Variants in XPC observed in about 807,000 individuals in gnomAD.
XPC encodes the protein DNA repair protein complementing XP-C cells.
Under a neutral mutation model 95.8 loss-of-function variants are expected in XPC, and 76 were observed. That is an observed-to-expected ratio of 0.79 (90% CI 0.66 to 0.96). The LOEUF is 0.96. Among genes scored for constraint, XPC ranks in the 40% least tolerant of loss-of-function variants. The pLI is 0.00. For missense variants in XPC, 1,146 were observed against 1,179.8 expected, an observed-to-expected ratio of 0.97 and a Z score of 0.42; for synonymous variants, 442 against 442.1, an observed-to-expected ratio of 1.00 and a Z score of 0.00.
intron 5 of XPC, among the ~76,000 whole-genome samples, 189 bp downstream of exon 5, chr3:14,166,980 T>C (rs2125038815): frequency 6.6e-6 from 1 of 152,246 alleles, no homozygotes; most frequent in African/African-American, 2.4e-5. Context: ...ACCTTACCTA[T>C]AATACACAAC....
In XPC at chr3:14,148,872, C is replaced by G. The variant is rs1242298896; in HGVS notation, c.2192G>C (p.Gly731Ala). The change falls in exon 12 of 16, where the codon GGC becomes GCC. Residue 731 changes from glycine (G) to alanine (A), a missense_variant. Gly to Ala is a moderately conservative substitution (Grantham distance 60). Transcript: ENST00000285021. ...CTCTGTCTGCCAGTAGCCAAACAGG[C>G]CCAGGTCATTTTCTTCCCGCAGCTG... Reference protein sequence around the residue: ...EPQLREENDLGLFGYWQTEEY... With the variant: ...EPQLREENDLALFGYWQTEEY... The G allele has an allele frequency of 6.2e-7, 1 of 1,613,998 alleles. No homozygotes were observed. Among genetic ancestry groups the G allele is most frequent in the South Asian group, 1.1e-5 (1 of 91,090 alleles).
intron 1 of XPC, among the ~76,000 whole-genome samples, chr3:14,177,127 C>A (rs1171157463): frequency 6.6e-6 from 1 of 152,090 alleles, no homozygotes; most frequent in Non-Finnish European, 1.5e-5. Flanking sequence ...AGCATTTAGC[C>A]CTACCAATCC....
rs369080695 is a variant in XPC, at chr3:14,159,881, T to G, written c.901-51A>C. On this transcript the variant is annotated intron_variant, in intron 7 of 15. Transcript: ENST00000285021. ...TATCCTAAGAAAGTAATTAAAGATG[T>G]AATGAGTTCAATGTTGTTTGTTATG... is the stretch of plus-strand genomic sequence containing the variant. 7.2e-5 allele frequency: 108 copies of G among 1,502,466 alleles called. No individual in the cohort carries two copies. In the East Asian group the frequency reaches 1.5e-3, roughly 21 times the overall value. 93.1% of individuals were successfully genotyped at this position (1,502,466 alleles called of 1,614,324 possible). A position where few individuals can be genotyped will look rare whatever the true frequency, so the allele number is the denominator to read the frequency against.
chr3:14,172,538 G>A (rs1259223377), intron 2 of XPC, among the ~76,000 whole-genome samples: 1 of 152,202 alleles, frequency 6.6e-6, no homozygotes, highest in Non-Finnish European at 1.5e-5. Flanking sequence ...AGTAGTATGA[G>A]ATAAAGCTGG....
Position 14,158,829 on chromosome 3 carries a change from G to C in XPC, c.1054C>G (p.Gln352Glu), listed in dbSNP as rs749029532. 2 of 1,613,812 alleles carry C rather than the reference G, an allele frequency of 1.2e-6. No individual in the cohort carries two copies. Among genetic ancestry groups the C allele is most frequent in the East Asian group, 4.5e-5 (2 of 44,886 alleles). ...DPGGSSETSS[Q>E]VLENHTKPKT... ...GGTTTGGTGTGGTTTTCTAGAACTTGGCTGGAAGTTTCTGAGGAGCCTCCT... is the reference window on the plus strand; with the variant it reads ...GGTTTGGTGTGGTTTTCTAGAACTTCGCTGGAAGTTTCTGAGGAGCCTCCT... Residue 352 changes from glutamine to glutamate, a missense_variant, in exon 9 of 16, where the codon CAA becomes GAA. Transcript: ENST00000285021. The surrounding 1 kb of genome is among the most constrained non-coding windows in gnomAD (Gnocchi z 5.2).
chr3:14,149,062 A>C, intron 11 of XPC, 114 bp from the exon 12 acceptor site: 8 of 1,407,152 alleles, frequency 5.7e-6, no homozygotes, highest in Non-Finnish European at 4.8e-6. Flanking sequence ...CTCAGAACAC[A>C]CCTACCAGCT....
intron 4 of XPC, among the ~76,000 whole-genome samples, chr3:14,167,815 A>ATAGGG (rs1369462552): frequency 1.3e-5 from 2 of 152,170 alleles, no homozygotes; most frequent in African/African-American, 4.8e-5. Flanking sequence ...GCTGGGAAGG[A>ATAGGG]TAGGGGCTCC....
intron 7 of XPC, among the ~76,000 whole-genome samples, chr3:14,161,304 A>G (rs1373154174): frequency 2.0e-5 from 3 of 152,228 alleles, no homozygotes; most frequent in African/African-American, 7.2e-5. Context: ...TTCAAACGTT[A>G]GAAGAGGAAA....
intron 13 of XPC, 37 bp downstream of exon 13, chr3:14,148,525 C>T: frequency 6.2e-7 from 1 of 1,609,232 alleles, no homozygotes; most frequent in Non-Finnish European, 8.5e-7. Context: ...CCCTCCCCAT[C>T]CCTGTGTTTA....
Position 14,152,523 on chromosome 3 carries a change from C to T in XPC, c.2034-107G>A, listed in dbSNP as rs3729584. ...TGCAGGCTCCCTCCTCAGGTTCAGC[C>T]ACCCTGGAGCAGGCCGAGCTCCTAG... On this transcript the variant is annotated intron_variant, in intron 10 of 15. Coordinates refer to ENST00000285021, the MANE Select transcript of XPC (RefSeq NM_004628.5). The T allele has an allele frequency of 0.017, 18,451 of 1,098,618 alleles. 1,125 individuals carry two copies. In the East Asian group the frequency reaches 0.21, roughly 13 times the overall value. The allele number at this position is 1,098,618 out of a possible 1,614,324, so 68.1% of individuals were successfully genotyped here.
At position 14,172,932 on chromosome 3, in the gene XPC, C is replaced by T; in HGVS notation, c.234G>A (p.Val78=). The part of the protein sequence containing the change: ...DGPAKKKVAK[V]TVKSENLKVI... Reference sequence around the variant, plus strand: ...CCTTGAGGTTTTCAGATTTAACAGTCACCTTGGCCACTTTCTTTTTTGCTG... The same window carrying T: ...CCTTGAGGTTTTCAGATTTAACAGTTACCTTGGCCACTTTCTTTTTTGCTG... The change falls in exon 2 of 16, where the codon GTG becomes GTA. Residue 78 remains valine, a synonymous_variant. Coordinates refer to ENST00000285021, the MANE Select transcript of XPC (RefSeq NM_004628.5). The T allele has an allele frequency of 6.2e-7, 1 of 1,614,012 alleles. No homozygotes were observed. Among genetic ancestry groups the T allele is most frequent in the Non-Finnish European group, 8.5e-7 (1 of 1,179,888 alleles).
At chr3:14,176,729 C>T (rs901773628) in intron 1 of XPC, among the ~76,000 whole-genome samples, 1 of 152,164 alleles carries the variant, frequency 6.6e-6, no homozygotes, top group East Asian at 1.9e-4. Flanking sequence ...TAGCCTTTGC[C>T]GGTTACCTAG....
intron 11 of XPC, among the ~76,000 whole-genome samples, chr3:14,150,644 T>C (rs1695649086): frequency 1.3e-5 from 2 of 152,200 alleles, no homozygotes; most frequent in South Asian, 4.1e-4. Flanking sequence ...CTCAGGCTCC[T>C]GCAGGGGAAG....
At chr3:14,150,967 G>A (rs1057362527) in intron 11 of XPC, among the ~76,000 whole-genome samples, 1 of 152,174 alleles carries the variant, frequency 6.6e-6, no homozygotes. Flanking sequence ...GTGGGACAAG[G>A]ATGGCCAAGA....
intron 4 of XPC, among the ~76,000 whole-genome samples, chr3:14,167,698 G>A (rs911157770): frequency 3.9e-5 from 6 of 152,152 alleles, no homozygotes; most frequent in African/African-American, 1.4e-4. Flanking sequence ...AAGACAACTT[G>A]ACACTTCTTG....
chr3:14,176,398 T>A (rs1186280759), intron 1 of XPC, among the ~76,000 whole-genome samples: 3 of 152,222 alleles, frequency 2.0e-5, no homozygotes, highest in Non-Finnish European at 4.4e-5. Flanking sequence ...ACTTGATTAA[T>A]CCTTTGGAAG....
At position 14,170,483 on chromosome 3, in the gene XPC, T is replaced by G. The variant is rs770726832; in HGVS notation, c.367A>C (p.Asn123His). 13 of 1,613,866 alleles carry G rather than the reference T, an allele frequency of 8.1e-6. No homozygotes were observed. The Admixed American group carries it at 2.2e-4, about 27-fold the overall frequency. ...KRGATMNEDS[N>H]EEEEESENDW... is the part of the protein sequence containing the mutation. ...TTTTCACTTTCTTCCTCTTCTTCAT[T>G]GCTGTCTTCATTCATGGTAGCCCCT... The change falls in exon 3 of 16, where the codon AAT becomes CAT. Residue 123 changes from asparagine (N) to histidine (H), a missense_variant. Physicochemically the swap from Asn to His is moderately conservative, Grantham distance 68 (BLOSUM62 1). Coordinates refer to ENST00000285021, the MANE Select transcript of XPC (RefSeq NM_004628.5).
In XPC at chr3:14,178,447, C is replaced by G. The variant is rs372850771; in HGVS notation, c.103+19G>C. On this transcript the variant is annotated intron_variant, in intron 1 of 15. Coordinates refer to ENST00000285021, the MANE Select transcript of XPC (RefSeq NM_004628.5). ...CACCGGCGGCGTCTCCCGCGAAGCCCGCTGGGCCTCGCTCTCACCCTCCTC... is the reference window on the plus strand; with the variant it reads ...CACCGGCGGCGTCTCCCGCGAAGCCGGCTGGGCCTCGCTCTCACCCTCCTC... The G allele has an allele frequency of 5.6e-6, 9 of 1,595,890 alleles. No individual in the cohort carries two copies. The South Asian group carries it at 8.9e-5, about 16-fold the overall frequency.
At chr3:14,152,520 A>G (rs1695736567) in intron 10 of XPC, 104 bp from the exon 11 acceptor site, 2 of 1,163,830 alleles carry the variant, frequency 1.7e-6, no homozygotes, top group South Asian at 1.6e-5. Flanking sequence ...CCTCAGGTTC[A>G]GCCACCCTGG....
Sources: gnomAD v4.1 joint callset for allele counts (sites outside exome capture counted in the v4.1 genomes callset) on GRCh38, gnomAD v4.1.1 for gene constraint, Gnocchi (gnomAD v3.1) non-coding constraint, MANE v1.5 for transcripts, NCBI Gene and HGNC (gene_info 2026-07-23, HGNC 2026-07-21) for gene names.